Variants in TRAF3 observed in about 807,000 individuals in gnomAD.
TRAF3 encodes TNF receptor-associated factor 3.
A neutral mutation model predicts 62.3 loss-of-function variants in TRAF3; 13 were observed. That is an observed-to-expected ratio of 0.21 (90% CI 0.14 to 0.33). The LOEUF (loss-of-function observed/expected upper bound fraction) is 0.33, where lower values mean the gene tolerates loss of function less well. Among genes scored for constraint, TRAF3 ranks in the 10% least tolerant of loss-of-function variants. The pLI is 1.00. For missense variants in TRAF3, 440 were observed against 741.8 expected, an observed-to-expected ratio of 0.59 and a Z score of 4.73; for synonymous variants, 269 against 283.4, an observed-to-expected ratio of 0.95 and a Z score of 0.51.
At chr14:102,828,705 A>C (rs1038335010) in intron 1 of TRAF3, among the ~76,000 whole-genome samples, 9 of 152,222 alleles carry the variant, frequency 5.9e-5, no homozygotes, top group African/African-American at 2.2e-4. Context: ...CTAAGAAATA[A>C]AACTTTATTT....
intron 10 of TRAF3, among the ~76,000 whole-genome samples, chr14:102,900,101 C>A (rs1890202866): frequency 7.0e-6 from 1 of 141,882 alleles, no homozygotes; most frequent in Admixed American, 7.3e-5. Flanking sequence ...ATGGTGTGAA[C>A]CCGGGAGGCG....
In TRAF3 at chr14:102,848,720, C is replaced by G. The variant is rs568680393; in HGVS notation, c.-18+18248C>G. ...AATCAATAGAATACTTTTCCCCATC[C>G]CTTTTTTCCTTGCATTTTATTTGTT... On this transcript the variant is annotated intron_variant, in intron 2 of 11. Transcript: ENST00000392745. 3.9e-5 allele frequency among the ~76,000 whole-genome samples: 6 copies of G among 152,298 alleles called. No homozygotes were observed. In the East Asian group the frequency reaches 5.8e-4, roughly 15 times the overall value.
chr14:102,806,197 C>T (rs1342888014), intron 1 of TRAF3, among the ~76,000 whole-genome samples: 1 of 152,114 alleles, frequency 6.6e-6, no homozygotes, highest in African/African-American at 2.4e-5. Context: ...GTTAGTTGCG[C>T]CAAGGTTGAG....
Position 102,873,414 on chromosome 14 carries a change from A to G in TRAF3, c.297+1446A>G, listed in dbSNP as rs899016687. 3.3e-5 allele frequency among the ~76,000 whole-genome samples: 5 copies of G among 152,296 alleles called. No individual in the cohort carries two copies. The South Asian group carries it at 8.3e-4, about 25-fold the overall frequency. On this transcript the variant is annotated intron_variant, in intron 4 of 11. Transcript: ENST00000392745. ...CGGCCGCCTTGTTAACATGTGCCTA[A>G]CGTGTGAGTGAGAGAGAAGCTCGCG... is the stretch of plus-strand genomic sequence containing the variant.
At chr14:102,857,604 G>A (rs1249562666) in intron 2 of TRAF3, among the ~76,000 whole-genome samples, 1 of 152,192 alleles carries the variant, frequency 6.6e-6, no homozygotes. Flanking sequence ...CCAAGATGGC[G>A]TGGGGTTCCT....
chr14:102,871,588 C>G (rs551252578), intron 3 of TRAF3, among the ~76,000 whole-genome samples: 16 of 152,368 alleles, frequency 1.1e-4, no homozygotes, highest in African/African-American at 3.6e-4. Context: ...AACAGGTACT[C>G]ACACTGAAGA....
chr14:102,820,099 G>A (rs1168964234), intron 1 of TRAF3, among the ~76,000 whole-genome samples: 4 of 152,234 alleles, frequency 2.6e-5, no homozygotes, highest in African/African-American at 4.8e-5. Context: ...GGCAGGTCCT[G>A]TTGTTCTCCC....
chr14:102,901,694 A>G (rs1890310131), intron 10 of TRAF3, among the ~76,000 whole-genome samples: 3 of 152,260 alleles, frequency 2.0e-5, no homozygotes. Flanking sequence ...AGGTTAACTA[A>G]TATCATGTTT....
intron 1 of TRAF3, among the ~76,000 whole-genome samples, chr14:102,824,496 G>A (rs911234942): frequency 6.6e-6 from 1 of 152,240 alleles, no homozygotes; most frequent in African/African-American, 2.4e-5. Flanking sequence ...GAGTGAATAT[G>A]AATGATTTGT....
chr14:102,810,338 C>T (rs768336555), intron 1 of TRAF3, among the ~76,000 whole-genome samples: 5 of 152,094 alleles, frequency 3.3e-5, no homozygotes, highest in Admixed American at 6.5e-5. Context: ...CATAGGGTGA[C>T]CTCAGTGTGT....
chr14:102,844,857 A>G (rs1441731223), intron 2 of TRAF3, among the ~76,000 whole-genome samples: 1 of 151,816 alleles, frequency 6.6e-6, no homozygotes, highest in Non-Finnish European at 1.5e-5. Flanking sequence ...CCTGGGCAAC[A>G]TAGTGAGACT....
In TRAF3 at chr14:102,875,723, C is replaced by G. The variant is rs1888609546; in HGVS notation, c.397C>G (p.Leu133Val). The change falls in exon 5 of 12, where the codon CTG (leucine) becomes GTG (valine). Residue 133 changes from leucine to valine, a missense_variant. By Grantham distance (32) the Leu-to-Val change is conservative. Coordinates refer to ENST00000392745, the MANE Select transcript of TRAF3 (RefSeq NM_145725.3). ...GCAEQLMLGH[L>V]LVHLKNDCHF... is the part of the protein sequence containing the mutation. ...TGCAGAGCAGTTAATGCTGGGACAT[C>G]TGCTGGTGAGTAGCAAAGGGACACT... The G allele has an allele frequency of 5.6e-6, 9 of 1,613,592 alleles. No homozygotes were observed. The East Asian group carries it at 2.0e-4, about 36-fold the overall frequency.
chr14:102,845,176 G>A (rs1197748160), intron 2 of TRAF3, among the ~76,000 whole-genome samples: 2 of 150,764 alleles, frequency 1.3e-5, no homozygotes, highest in Non-Finnish European at 3.0e-5. Context: ...AATTACAGGC[G>A]TGAGCCACCA....
chr14:102,807,679 T>TA (rs1315486182), intron 1 of TRAF3, among the ~76,000 whole-genome samples: 1 of 152,198 alleles, frequency 6.6e-6, no homozygotes, highest in African/African-American at 2.4e-5. Context: ...CAGTTATTTT[T>TA]TCCTCACCTT....
chr14:102,857,842 G>A (rs2139764670), intron 2 of TRAF3, among the ~76,000 whole-genome samples: 1 of 152,322 alleles, frequency 6.6e-6, no homozygotes, highest in Non-Finnish European at 1.5e-5. Context: ...TATTGCACTT[G>A]TGCAAATAAC....
chr14:102,874,720 G>A (rs980519740), intron 4 of TRAF3, among the ~76,000 whole-genome samples: 3 of 151,260 alleles, frequency 2.0e-5, no homozygotes, highest in African/African-American at 7.3e-5. Context: ...GTGCGATCAT[G>A]GCTCACTGCA....
intron 2 of TRAF3, among the ~76,000 whole-genome samples, chr14:102,840,103 T>C (rs761411351): frequency 6.6e-6 from 1 of 152,178 alleles, no homozygotes; most frequent in Admixed American, 6.5e-5. Flanking sequence ...GTGAGGCACT[T>C]GCCTCAGTGC....
At chr14:102,803,438 TTTTAC>T (rs1898570919) in intron 1 of TRAF3, among the ~76,000 whole-genome samples, 3 of 152,184 alleles carry the variant, frequency 2.0e-5, no homozygotes, top group Non-Finnish European at 4.4e-5. Flanking sequence ...GTCTCAGTTC[TTTTAC>T]CTAGAAATAA....
At chr14:102,886,350 G>A (rs1431852746) in intron 7 of TRAF3, 81 bp downstream of exon 7, 2 of 1,265,716 alleles carry the variant, frequency 1.6e-6, no homozygotes, top group Non-Finnish European at 2.2e-6. Context: ...CATAGCCGAA[G>A]CCTCACGTTT....
Sources: gnomAD v4.1 joint callset for allele counts (sites outside exome capture counted in the v4.1 genomes callset) on GRCh38, gnomAD v4.1.1 for gene constraint, MANE v1.5 for transcripts, NCBI Gene and HGNC (gene_info 2026-07-23, HGNC 2026-07-21) for gene names.